The following CPT1C variants were observed in gnomAD, a reference collection of about 807,000 sequenced individuals.
The protein encoded by CPT1C is carnitine palmitoyltransferase 1C, also known as palmitoyl thioesterase CPT1C.
CPT1C carries 61 observed loss-of-function variants against 97.3 expected under a neutral mutation model. The ratio of observed to expected loss-of-function variants is 0.63; its 90% CI spans 0.51 to 0.78. CPT1C has a LOEUF of 0.78. CPT1C is among the 30% of genes least tolerant of loss of function. The pLI, the probability that CPT1C is intolerant of heterozygous loss-of-function variation, is 0.00. For missense variants in CPT1C, 975 were observed against 1,065.5 expected, an observed-to-expected ratio of 0.92 and a Z score of 1.18; for synonymous variants, 469 against 447.2, an observed-to-expected ratio of 1.05 and a Z score of -0.61.
intron 4 of CPT1C, among the ~76,000 whole-genome samples, chr19:49,700,289 C>A (rs1251028150): frequency 6.6e-6 from 1 of 151,716 alleles, no homozygotes; most frequent in East Asian, 1.9e-4. Context: ...ATTGCTGGAC[C>A]CCACCCTGAG....
Position 49,707,582 on chromosome 19 carries a change from C to T in CPT1C, c.1408C>T (p.His470Tyr), listed in dbSNP as rs2083576096. 1 of 1,613,578 alleles carries T rather than the reference C, an allele frequency of 6.2e-7. No individual in the cohort carries two copies. Among genetic ancestry groups the T allele is most frequent in the Non-Finnish European group, 8.5e-7 (1 of 1,179,848 alleles). Residue 470 changes from histidine to tyrosine, a missense_variant, in exon 13 of 20, where the codon CAC (histidine) becomes TAC (tyrosine). His to Tyr is a moderately conservative substitution (Grantham distance 83). Coordinates refer to ENST00000598293, the MANE Select transcript of CPT1C (RefSeq NM_001199753.2). ...SNGKLGLSVE[H>Y]SWADCPISGH... ...CGGGAAGCTGGGCCTCAGCGTGGAG[C>T]ACTCCTGGGCCGACTGCCCCATCTC...
intron 7 of CPT1C, among the ~76,000 whole-genome samples, chr19:49,702,105 A>C (rs1349481315): frequency 8.4e-6 from 1 of 118,404 alleles, no homozygotes; most frequent in Non-Finnish European, 1.7e-5. Context: ...ATAAATTATA[A>C]ATATATATTT....
intron 13 of CPT1C, among the ~76,000 whole-genome samples, chr19:49,708,033 GA>G (rs1248452763): frequency 1.6e-5 from 2 of 125,664 alleles, no homozygotes; most frequent in African/African-American, 6.0e-5. Context: ...AAAAAGAAAA[GA>G]AAAACTGAGG....
At chr19:49,710,282 G>A (rs1225797130) in intron 14 of CPT1C, 38 bp from the exon 15 acceptor site, 4 of 1,604,674 alleles carry the variant, frequency 2.5e-6, no homozygotes, top group East Asian at 2.2e-5. Flanking sequence ...ACCCCCATCT[G>A]TAACCCCAAC....
Position 49,704,713 on chromosome 19 carries a change from A to G in CPT1C, c.697A>G (p.Ser233Gly). Reference sequence around the variant, plus strand: ...TGTCTCCCCACCCCGCTCCCAGGTCAGTGACTGGTGGGAGGAATTTGTGTA... The same window carrying G: ...TGTCTCCCCACCCCGCTCCCAGGTCGGTGACTGGTGGGAGGAATTTGTGTA... ...LKSWWASNYV[S>G]DWWEEFVYLR... Residue 233 changes from serine (S) to glycine (G), a missense_variant, in exon 8 of 20, where the codon AGT becomes GGT. Coordinates refer to ENST00000598293, the MANE Select transcript of CPT1C (RefSeq NM_001199753.2). 6.2e-7 allele frequency: 1 copy of G among 1,612,944 alleles called. No individual in the cohort carries two copies. The highest frequency in any genetic ancestry group is 8.5e-7 in the Non-Finnish European group (1 of 1,179,474).
At chr19:49,701,241 C>G in intron 5 of CPT1C, 76 bp from the exon 6 acceptor site, 3 of 1,246,882 alleles carry the variant, frequency 2.4e-6, no homozygotes, top group Non-Finnish European at 3.4e-6. Flanking sequence ...GGGTTTCTGT[C>G]CCACTGTCGA....
intron 6 of CPT1C, 32 bp downstream of exon 6, chr19:49,701,450 CGGCCGGGGCG>C: frequency 6.3e-7 from 1 of 1,587,386 alleles, no homozygotes. Flanking sequence ...CGGGCTGGGG[CGGCCGGGGCG>C]GGCCGGGGGC....
In CPT1C at chr19:49,711,956, A is replaced by G. The variant is rs765152709; in HGVS notation, c.2014A>G (p.Thr672Ala). The G allele has an allele frequency of 5.6e-6, 9 of 1,613,514 alleles. No individual in the cohort carries two copies. The highest frequency in any genetic ancestry group is 7.6e-6 in the Non-Finnish European group (9 of 1,179,760). Residue 672 changes from threonine (T) to alanine (A), a missense_variant, in exon 17 of 20, where the codon ACC (threonine) becomes GCC (alanine). Around this residue, in one of 3 missense-constraint regions of CPT1C, gnomAD observed 344 missense variants for 395.7 expected, o/e 0.87. Coordinates refer to ENST00000598293, the MANE Select transcript of CPT1C (RefSeq NM_001199753.2). ...CCTCCACCTGCAGTCGCCCTTCCTG[A>G]CCCAGGTTGGGGCACAGGGAAAGGG... ...RFLHLQSPFL[T>A]QVHSEQWQLS...
At chr19:49,695,584 CTTTTTTTTTTTT>C (rs71180646) in intron 3 of CPT1C, among the ~76,000 whole-genome samples, 2 of 93,184 alleles carry the variant, frequency 2.1e-5, no homozygotes, top group Admixed American at 1.2e-4. Context: ...TGCACCTGGC[CTTTTTTTTTTTT>C]TTTTTTTTTG....
rs1219296619 is a variant in CPT1C at position 49,700,713 on chromosome 19, T to C, written c.311T>C (p.Val104Ala). 1.2e-6 allele frequency: 2 copies of C among 1,610,294 alleles called. No homozygotes were observed. Among genetic ancestry groups the C allele is most frequent in the African/African-American group, 1.3e-5 (1 of 74,790 alleles). ...WGGQHHGLRG[V>A]LAAALFASCL... ...GGACAACACCACGGGCTCCGGGGGG[T>C]CCTGGCAGCCGCGCTGTTTGCCTCG... The change falls in exon 5 of 20, where the codon GTC (valine) becomes GCC (alanine). Residue 104 changes from valine to alanine, a missense_variant. Coordinates refer to ENST00000598293, the MANE Select transcript of CPT1C (RefSeq NM_001199753.2).
intron 13 of CPT1C, among the ~76,000 whole-genome samples, chr19:49,708,172 C>T (rs964734266): frequency 4.6e-5 from 7 of 151,706 alleles, no homozygotes; most frequent in Non-Finnish European, 1.0e-4. Context: ...AGTCACACAG[C>T]GAGGAGTTAC....
At chr19:49,710,256 TCCTGG>T in intron 14 of CPT1C, 59 bp from the exon 15 acceptor site, 2 of 1,526,694 alleles carry the variant, frequency 1.3e-6, no homozygotes, top group South Asian at 1.1e-5. Context: ...CCAGCCTTAT[TCCTGG>T]CTTTCACCCT....
At chr19:49,697,602 G>A (rs899853061) in intron 4 of CPT1C, 137 bp downstream of exon 4, 2 of 1,087,334 alleles carry the variant, frequency 1.8e-6, no homozygotes, top group Non-Finnish European at 2.6e-6. Flanking sequence ...TAAAGGCATG[G>A]CATGAAGAAA....
At chr19:49,707,355 G>C (rs113185396) in intron 12 of CPT1C, among the ~76,000 whole-genome samples, 163 bp from the exon 13 acceptor site, 12 of 152,018 alleles carry the variant, frequency 7.9e-5, no homozygotes, top group Non-Finnish European at 1.8e-4. Flanking sequence ...AGACCTCCAG[G>C]GCCACTACTG....
At position 49,706,650 on chromosome 19, in the gene CPT1C, A is replaced by G. The variant is rs2083516425; in HGVS notation, c.1343+237A>G. ...TATAAACCAGACCCAGTGACCCCCAAATCTGAGACTCCCAAACCCCTGAGC... is the reference window on the plus strand; with the variant it reads ...TATAAACCAGACCCAGTGACCCCCAGATCTGAGACTCCCAAACCCCTGAGC... On this transcript the variant is annotated intron_variant, in intron 12 of 19. Coordinates refer to ENST00000598293, the MANE Select transcript of CPT1C (RefSeq NM_001199753.2). This position sits in a 1 kb window ranked among gnomAD's most constrained non-coding sequence, Gnocchi z 4.8. Among the ~76,000 whole-genome samples, 1 of 151,830 alleles carries G rather than the reference A, an allele frequency of 6.6e-6. No individual in the cohort carries two copies. The highest frequency in any genetic ancestry group is 1.5e-5 in the Non-Finnish European group (1 of 67,948).
chr19:49,692,299 C>T lies in CPT1C; in HGVS notation c.47C>T (p.Ser16Leu), dbSNP rs1400350889. Residue 16 changes from serine (S) to leucine (L), a missense_variant, in exon 3 of 20, where the codon TCG becomes TTG. Physicochemically the swap from Ser to Leu is moderately radical, Grantham distance 145. Around this residue, in one of 3 missense-constraint regions of CPT1C, gnomAD observed 596 missense variants for 603.1 expected, o/e 0.99. Transcript: ENST00000598293. ...GTGGGCTTCCGACCCTCGCTGACCT[C>T]GGACGGGGCTGAAGTGGAACTCAGT... ...QAVGFRPSLT[S>L]DGAEVELSAP... 3.7e-6 allele frequency: 6 copies of T among 1,614,010 alleles called. No individual in the cohort carries two copies. Among genetic ancestry groups the T allele is most frequent in the African/African-American group, 1.3e-5 (1 of 74,912 alleles).
In CPT1C at chr19:49,710,826, T is replaced by A; in HGVS notation, c.1835T>A (p.Phe612Tyr). The change falls in exon 16 of 20, where the codon TTT (phenylalanine) becomes TAT (tyrosine). Residue 612 changes from phenylalanine to tyrosine, a missense_variant. Transcript: ENST00000598293. The part of the protein sequence containing the change: ...VRSCTREACN[F>Y]VRAMEDKEKT... Reference sequence around the variant, plus strand: ...TCTTGCACGAGGGAGGCCTGCAACTTTGTCAGGGCCATGGAGGACAAAGAG... The same window carrying A: ...TCTTGCACGAGGGAGGCCTGCAACTATGTCAGGGCCATGGAGGACAAAGAG... 6.2e-7 allele frequency: 1 copy of A among 1,613,796 alleles called. No individual in the cohort carries two copies. The highest frequency in any genetic ancestry group is 2.2e-5 in the East Asian group (1 of 44,874).
Position 49,697,444 on chromosome 19 carries a change from T to C in CPT1C, c.260T>C (p.Ile87Thr). 5 of 1,614,040 alleles carry C rather than the reference T, an allele frequency of 3.1e-6. No individual in the cohort carries two copies. The highest frequency in any genetic ancestry group is 4.2e-6 in the Non-Finnish European group (5 of 1,179,980). The part of the protein sequence containing the change: ...LDPSLGLMEK[I>T]KELLPDWGGQ... ...CCTTCCTTAGGACTGATGGAGAAGA[T>C]CAAAGAGTTGCTGCCTGACTGGTGA... is the stretch of plus-strand genomic sequence containing the variant. The change falls in exon 4 of 20, where the codon ATC becomes ACC. Residue 87 changes from isoleucine (I) to threonine (T), a missense_variant. This residue lies in a region of CPT1C where 596 missense variants were observed against 603.1 expected (regional missense o/e 0.99). Coordinates refer to ENST00000598293, the MANE Select transcript of CPT1C (RefSeq NM_001199753.2).
intron 14 of CPT1C, among the ~76,000 whole-genome samples, chr19:49,710,106 C>T (rs2083764281): frequency 6.6e-6 from 1 of 152,206 alleles, no homozygotes; most frequent in Non-Finnish European, 1.5e-5. Flanking sequence ...CCTCGGCCTC[C>T]CAAAGTGCTG....
Sources: allele counts gnomAD v4.1 joint callset (sites outside exome capture counted in the v4.1 genomes callset), GRCh38; gene constraint gnomAD v4.1.1; regional missense constraint gnomAD v4.1.1; non-coding constraint Gnocchi (gnomAD v3.1); transcripts MANE v1.5; gene names NCBI Gene and HGNC (gene_info 2026-07-23, HGNC 2026-07-21).